CACNG5: variants seen among roughly 807,000 people sequenced by gnomAD.
CACNG5 encodes the protein calcium voltage-gated channel auxiliary subunit gamma 5.
In CACNG5, 18 loss-of-function variants were observed where a neutral mutation model predicts 24.8. The ratio of observed to expected loss-of-function variants is 0.73; its 90% confidence interval spans 0.50 to 1.08. CACNG5 has a LOEUF of 1.08. CACNG5 is among the 50% of genes least tolerant of loss of function. The pLI, the probability that CACNG5 is intolerant of heterozygous loss-of-function variation, is 0.00. For synonymous variants in CACNG5, 157 were observed against 149.1 expected (o/e 1.05, Z -0.39); for missense variants, 349 against 367.9 (o/e 0.95, Z 0.42).
chr17:66,850,412 G>A (rs2143044745), intron 1 of CACNG5, among the ~76,000 whole-genome samples: 1 of 152,302 alleles, frequency 6.6e-6, no homozygotes, highest in South Asian at 2.1e-4. Context: ...AAAGCCTGGG[G>A]CAGGCTGGCT....
intron 1 of CACNG5, among the ~76,000 whole-genome samples, chr17:66,855,686 G>A (rs1976765997): frequency 6.6e-6 from 1 of 152,234 alleles, no homozygotes; most frequent in Admixed American, 6.5e-5. Context: ...TAGTAGAGAC[G>A]GGGTTTCACC....
intron 1 of CACNG5, among the ~76,000 whole-genome samples, chr17:66,872,866 G>A (rs1977028973): frequency 6.6e-6 from 1 of 152,042 alleles, no homozygotes; most frequent in Admixed American, 6.6e-5. Context: ...TGTGACACTT[G>A]GCCACTTCTA....
At position 66,893,899 on chromosome 17, in the gene CACNG5, G is replaced by C. The variant is rs1420699427; in HGVS notation, c.*8659G>C. On this transcript the variant is annotated 3_prime_UTR_variant, in exon 6 of 6. Coordinates refer to ENST00000533854, the MANE Select transcript of CACNG5 (RefSeq NM_145811.3). ...TAAATTTTACTTAGATGCAAGAAGT[G>C]TCACCTTGTTGTGTTAAATTAAGTC... is the stretch of plus-strand genomic sequence containing the variant. 6.6e-6 allele frequency among the ~76,000 whole-genome samples: 1 copy of C among 152,190 alleles called. No individual in the cohort carries two copies. Among genetic ancestry groups the C allele is most frequent in the Non-Finnish European group, 1.5e-5 (1 of 68,042 alleles).
chr17:66,889,904 C>T lies in CACNG5; in HGVS notation c.*4664C>T, dbSNP rs1392280811. On this transcript the variant is annotated 3_prime_UTR_variant, in exon 6 of 6. Transcript: ENST00000533854. ...AGCCACACTGACATGTAAAACTAAC[C>T]ATTGTAAGTGGAGAAAGGACAGCGG... Among the ~76,000 whole-genome samples the T allele has an allele frequency of 6.6e-6, 1 of 152,198 alleles. No homozygotes were observed. Among genetic ancestry groups the T allele is most frequent in the Non-Finnish European group, 1.5e-5 (1 of 68,036 alleles).
At chr17:66,835,331 G>A in intron 1 of CACNG5, 81 bp downstream of exon 1, 1 of 152,748 alleles carries the variant, frequency 6.5e-6, no homozygotes, top group Non-Finnish European at 1.5e-5. Flanking sequence ...CCGGTGCTGG[G>A]CCGCGGCGCC....
Position 66,877,540 on chromosome 17 carries a change from C to G in CACNG5, c.196+12C>G. ...CTGCTTCCTTGCAGGTAAGGGTGCC[C>G]AGGGTTGGGGACAGCCCTGCCCCCT... On this transcript the variant is annotated intron_variant, in intron 2 of 5. Transcript: ENST00000533854. 1 of 1,611,578 alleles carries G rather than the reference C, an allele frequency of 6.2e-7. No homozygotes were observed. The highest frequency in any genetic ancestry group is 8.5e-7 in the Non-Finnish European group (1 of 1,178,712).
chr17:66,840,091 G>T (rs888979110), intron 1 of CACNG5, among the ~76,000 whole-genome samples: 2 of 152,168 alleles, frequency 1.3e-5, no homozygotes, highest in East Asian at 3.9e-4. Flanking sequence ...AGTTTTCTCT[G>T]GCGACCGGTG....
At chr17:66,870,747 G>T (rs934900448) in intron 1 of CACNG5, among the ~76,000 whole-genome samples, 1 of 152,162 alleles carries the variant, frequency 6.6e-6, no homozygotes, top group East Asian at 1.9e-4. Flanking sequence ...GAGAGGCCGA[G>T]GCAGGTGAAT....
rs1376704557 is a variant in CACNG5, at chr17:66,840,093, C to T, written c.-104+4843C>T. ...CTCTCTGGCCCTCAGTTTTCTCTGGCGACCGGTGATCTCCGCTTTGCGGGG... is the reference window on the plus strand; with the variant it reads ...CTCTCTGGCCCTCAGTTTTCTCTGGTGACCGGTGATCTCCGCTTTGCGGGG... On this transcript the variant is annotated intron_variant, in intron 1 of 5. Transcript: ENST00000533854. Among the ~76,000 whole-genome samples the T allele has an allele frequency of 2.6e-5, 4 of 152,268 alleles. No homozygotes were observed. In the East Asian group the frequency reaches 5.8e-4, roughly 22 times the overall value.
chr17:66,872,246 T>C (rs1005131583), intron 1 of CACNG5, among the ~76,000 whole-genome samples: 4 of 152,232 alleles, frequency 2.6e-5, no homozygotes, highest in South Asian at 4.1e-4. Flanking sequence ...TTTACTATTA[T>C]AGTGTAAACA....
chr17:66,844,092 T>A (rs1158012177), intron 1 of CACNG5, among the ~76,000 whole-genome samples: 2 of 152,128 alleles, frequency 1.3e-5, no homozygotes, highest in Non-Finnish European at 1.5e-5. Flanking sequence ...TGTTCTCTGA[T>A]AGGAGGTAGC....
At chr17:66,837,772 A>T (rs1423663515) in intron 1 of CACNG5, among the ~76,000 whole-genome samples, 1 of 151,908 alleles carries the variant, frequency 6.6e-6, no homozygotes, top group African/African-American at 2.4e-5. Flanking sequence ...AAGCTTGGGG[A>T]GTGTAGGAGA....
In CACNG5 at chr17:66,893,930, G is replaced by A. The variant is rs145719849; in HGVS notation, c.*8690G>A. ...TTGTTGTGTTAAATTAAGTCTGTCTGAGCCCCTATTCACCTGGGTGGTGAG... is the reference window on the plus strand; with the variant it reads ...TTGTTGTGTTAAATTAAGTCTGTCTAAGCCCCTATTCACCTGGGTGGTGAG... On this transcript the variant is annotated 3_prime_UTR_variant, in exon 6 of 6. Coordinates refer to ENST00000533854, the MANE Select transcript of CACNG5 (RefSeq NM_145811.3). Among the ~76,000 whole-genome samples, 139 of 152,284 alleles carry A rather than the reference G, an allele frequency of 9.1e-4. 2 individuals carry two copies. Among genetic ancestry groups the A allele is most frequent in the African/African-American group, 3.3e-3 (137 of 41,562 alleles).
At chr17:66,837,264 G>C (rs1283134238) in intron 1 of CACNG5, among the ~76,000 whole-genome samples, 1 of 152,234 alleles carries the variant, frequency 6.6e-6, no homozygotes, top group Non-Finnish European at 1.5e-5. Context: ...CATCCTTAGA[G>C]GTGGGGGAAG....
intron 1 of CACNG5, among the ~76,000 whole-genome samples, chr17:66,846,183 T>C (rs769173312): frequency 6.6e-6 from 1 of 152,228 alleles, no homozygotes; most frequent in Non-Finnish European, 1.5e-5. Context: ...TTTTAAATCG[T>C]GGTGAATCAT....
chr17:66,866,029 G>C, intron 1 of CACNG5, among the ~76,000 whole-genome samples: 1 of 152,070 alleles, frequency 6.6e-6, no homozygotes. Context: ...AATTTATCCT[G>C]AGAAAATTCT....
At position 66,873,701 on chromosome 17, in the gene CACNG5, G is replaced by A. The variant is rs140661932; in HGVS notation, c.-103-3529G>A. Among the ~76,000 whole-genome samples, 13 of 152,256 alleles carry A rather than the reference G, an allele frequency of 8.5e-5. No individual in the cohort carries two copies. In the East Asian group the frequency reaches 1.2e-3, roughly 14 times the overall value. On this transcript the variant is annotated intron_variant, in intron 1 of 5. Transcript: ENST00000533854. ...TCAAAGCATAGTCATATCTGCTGTC[G>A]TGTTTAATCACACCAGCAATTTTGT... is the stretch of plus-strand genomic sequence containing the variant.
Position 66,894,288 on chromosome 17 carries a change from A to G in CACNG5, c.*9048A>G, listed in dbSNP as rs1350314273. 2.0e-5 allele frequency among the ~76,000 whole-genome samples: 3 copies of G among 152,262 alleles called. No individual in the cohort carries two copies. In the East Asian group the frequency reaches 5.8e-4, roughly 29 times the overall value. On this transcript the variant is annotated 3_prime_UTR_variant, in exon 6 of 6. Transcript: ENST00000533854. ...GATCCTGCACATCCTTCCTCAGTGG[A>G]TCCTTAGAAACTCAATGGTGGGCTT...
chr17:66,885,049 C>G lies in CACNG5; in HGVS notation c.637C>G (p.His213Asp). The change falls in exon 6 of 6, where the codon CAC (histidine) becomes GAC (aspartate). Residue 213 changes from histidine to aspartate, a missense_variant. By Grantham distance (81) the His-to-Asp change is moderately conservative. Transcript: ENST00000533854. ...CACCGCGGAGGACATGTACAGGCCC[C>G]ACCCTGGCTTCTACCGCCCTCGGCT... ...RYTAEDMYRP[H>D]PGFYRPRLSN... 1 of 1,614,190 alleles carries G rather than the reference C, an allele frequency of 6.2e-7. No individual in the cohort carries two copies. Among genetic ancestry groups the G allele is most frequent in the Non-Finnish European group, 8.5e-7 (1 of 1,180,022 alleles).
Sources: gnomAD v4.1 joint callset for allele counts (sites outside exome capture counted in the v4.1 genomes callset) on GRCh38, gnomAD v4.1.1 for gene constraint, MANE v1.5 for transcripts, NCBI Gene and HGNC (gene_info 2026-07-23, HGNC 2026-07-21) for gene names.